TMEFF2: variants seen among roughly 807,000 people sequenced by gnomAD.
The protein encoded by TMEFF2 is tomoregulin-2.
A neutral mutation model predicts 53.8 loss-of-function variants in TMEFF2; 28 were observed. The observed-to-expected ratio is 0.52, with a 90% confidence interval of 0.39 to 0.71. The LOEUF is 0.71. TMEFF2 is among the 30% of genes least tolerant of loss of function. The pLI is 0.00. For missense variants in TMEFF2, 353 were observed against 455.2 expected (o/e 0.78, Z 2.04); for synonymous variants, 162 against 166.3 (o/e 0.97, Z 0.20).
At chr2:192,054,336 G>A (rs970559709) in intron 5 of TMEFF2, among the ~76,000 whole-genome samples, 1 of 152,018 alleles carries the variant, frequency 6.6e-6, no homozygotes, top group African/African-American at 2.4e-5. Flanking sequence ...ATCTATCCAG[G>A]CTTTCCTGTT....
At chr2:192,165,798 G>T (rs4368280) in intron 4 of TMEFF2, among the ~76,000 whole-genome samples, 79,197 of 151,658 alleles carry the variant, frequency 0.52, 20,656 homozygotes, top group South Asian at 0.62. Flanking sequence ...CTCAGCATTA[G>T]CAGTAGATAC....
intron 5 of TMEFF2, among the ~76,000 whole-genome samples, chr2:192,039,657 C>T (rs1047166612): frequency 2.6e-5 from 4 of 152,122 alleles, no homozygotes; most frequent in Admixed American, 6.5e-5. Flanking sequence ...TTGAATAAAT[C>T]GGAGAATGGT....
intron 5 of TMEFF2, chr2:192,044,093 A>C (rs1687553165): frequency 6.6e-6 from 1 of 152,194 alleles, no homozygotes; most frequent in Admixed American, 6.5e-5. Flanking sequence ...AACAACCAGA[A>C]TCAGTTTGCT....
chr2:191,966,278 G>A (rs1692469049), intron 7 of TMEFF2, among the ~76,000 whole-genome samples: 1 of 152,178 alleles, frequency 6.6e-6, no homozygotes, highest in Admixed American at 6.6e-5. Flanking sequence ...GAGAAGTGGA[G>A]CCAGAGAAGG....
chr2:192,051,038 A>G (rs1174600471), intron 5 of TMEFF2, among the ~76,000 whole-genome samples: 1 of 152,126 alleles, frequency 6.6e-6, no homozygotes, highest in East Asian at 1.9e-4. Context: ...ACTCATTGAC[A>G]CAAACAGAAA....
At chr2:192,071,333 T>A (rs1688288956) in intron 4 of TMEFF2, among the ~76,000 whole-genome samples, 1 of 151,800 alleles carries the variant, frequency 6.6e-6, no homozygotes, top group Non-Finnish European at 1.5e-5. Context: ...CCACTAAATT[T>A]TGGGGGATGT....
intron 4 of TMEFF2, among the ~76,000 whole-genome samples, chr2:192,155,015 ATTTC>A (rs925395804): frequency 1.3e-5 from 2 of 151,772 alleles, no homozygotes; most frequent in Non-Finnish European, 2.9e-5. Flanking sequence ...GGATATCGAT[ATTTC>A]TTTCTGTTAA....
At chr2:192,137,970 C>T (rs1690051178) in intron 4 of TMEFF2, among the ~76,000 whole-genome samples, 1 of 151,848 alleles carries the variant, frequency 6.6e-6, no homozygotes, top group South Asian at 2.1e-4. Context: ...AGGCATGCGC[C>T]ACCACACCCA....
At chr2:192,141,185 G>C (rs1404766487) in intron 4 of TMEFF2, among the ~76,000 whole-genome samples, 1 of 152,052 alleles carries the variant, frequency 6.6e-6, no homozygotes, top group Non-Finnish European at 1.5e-5. Flanking sequence ...AGGCGCGGTG[G>C]CTCACGGCTA....
intron 7 of TMEFF2, among the ~76,000 whole-genome samples, chr2:191,963,956 G>A (rs2105794929): frequency 6.6e-6 from 1 of 152,054 alleles, no homozygotes; most frequent in South Asian, 2.1e-4. Context: ...TATAGATTAG[G>A]AAAATGAAAT....
intron 5 of TMEFF2, among the ~76,000 whole-genome samples, chr2:192,053,121 C>T (rs971186130): frequency 6.6e-6 from 1 of 152,144 alleles, no homozygotes; most frequent in African/African-American, 2.4e-5. Context: ...GATTAGATTA[C>T]AAGCCATCTG....
At chr2:192,041,616 A>G (rs1200691133) in intron 5 of TMEFF2, among the ~76,000 whole-genome samples, 1 of 152,228 alleles carries the variant, frequency 6.6e-6, no homozygotes, top group Non-Finnish European at 1.5e-5. Flanking sequence ...TCCTATGTAT[A>G]TACCCGAGAC....
chr2:192,057,690 G>A lies in TMEFF2; in HGVS notation c.525C>T (p.Ala175=), dbSNP rs968452101. 20 of 1,613,536 alleles carry A rather than the reference G, an allele frequency of 1.2e-5. No individual in the cohort carries two copies. Among genetic ancestry groups the A allele is most frequent in the East Asian group, 2.2e-5 (1 of 44,874 alleles). ...AAACAGCATATTACCAGACATCCTCGGCATCTTCGTCACATTCTGCACCAA... is the reference window on the plus strand; with the variant it reads ...AAACAGCATATTACCAGACATCCTCAGCATCTTCGTCACATTCTGCACCAA... The part of the protein sequence containing the change: ...CQFGAECDED[A]EDVWCVCNID... Residue 175 remains alanine, a synonymous_variant, in exon 5 of 10, where the codon GCC becomes GCT. Coordinates refer to ENST00000272771, the MANE Select transcript of TMEFF2 (RefSeq NM_016192.4).
At chr2:192,076,338 G>A (rs1218894898) in intron 4 of TMEFF2, among the ~76,000 whole-genome samples, 2 of 151,878 alleles carry the variant, frequency 1.3e-5, no homozygotes, top group African/African-American at 4.8e-5. Context: ...GTTTTAGACT[G>A]ATCAATTAAA....
At chr2:192,021,175 G>C (rs1254883451) in intron 5 of TMEFF2, among the ~76,000 whole-genome samples, 3 of 152,052 alleles carry the variant, frequency 2.0e-5, no homozygotes, top group African/African-American at 7.2e-5. Context: ...CTCTGGGGTT[G>C]AGGACACTTA....
At chr2:192,091,117 C>T (rs1267063309) in intron 4 of TMEFF2, among the ~76,000 whole-genome samples, 4 of 152,162 alleles carry the variant, frequency 2.6e-5, no homozygotes, top group East Asian at 3.9e-4. Context: ...GATTCCTACT[C>T]CAAGTAGTAT....
At chr2:192,128,764 A>G (rs992712777) in intron 4 of TMEFF2, among the ~76,000 whole-genome samples, 13 of 152,216 alleles carry the variant, frequency 8.5e-5, no homozygotes, top group African/African-American at 2.4e-4. Flanking sequence ...TTAAAACAAC[A>G]TAACGAAAAC....
rs138198693 is a variant in TMEFF2 at position 192,184,030 on chromosome 2, G to T, written c.412+324C>A. On this transcript the variant is annotated intron_variant, in intron 3 of 9. Coordinates refer to ENST00000272771, the MANE Select transcript of TMEFF2 (RefSeq NM_016192.4). ...ATACAACTGTATTCATACATAGTCAGGTTTCTCCATATTTGGCACGTTGGC... is the reference window on the plus strand; with the variant it reads ...ATACAACTGTATTCATACATAGTCATGTTTCTCCATATTTGGCACGTTGGC... 2.1e-4 allele frequency among the ~76,000 whole-genome samples: 32 copies of T among 152,106 alleles called. 1 individual carries two copies. In the East Asian group the frequency reaches 5.6e-3, roughly 27 times the overall value.
intron 5 of TMEFF2, among the ~76,000 whole-genome samples, chr2:192,016,462 C>T (rs1686747105): frequency 6.6e-6 from 1 of 152,206 alleles, no homozygotes; most frequent in African/African-American, 2.4e-5. Flanking sequence ...TGATCCCATG[C>T]CTCATCAACC....
Sources: gnomAD v4.1 joint callset for allele counts (sites outside exome capture counted in the v4.1 genomes callset) on GRCh38, gnomAD v4.1.1 for gene constraint, MANE v1.5 for transcripts, NCBI Gene and HGNC (gene_info 2026-07-23, HGNC 2026-07-21) for gene names.